ANKRD18A: variants seen among roughly 807,000 people sequenced by gnomAD.
ANKRD18A encodes ankyrin repeat domain 18A, also known as ankyrin repeat domain-containing protein 18A.
Under a neutral mutation model 110.6 loss-of-function variants are expected in ANKRD18A, and 72 were observed. The ratio of observed to expected loss-of-function variants is 0.65; its 90% CI spans 0.54 to 0.79. The LOEUF is 0.79. Among genes scored for constraint, ANKRD18A ranks in the 30% least tolerant of loss-of-function variants. The probability of loss-of-function intolerance (pLI) is 0.00; values close to 1 mark genes in which losing one functional copy is unlikely to be tolerated. For missense variants in ANKRD18A, 934 were observed against 1,163.3 expected (o/e 0.80, Z 2.87); for synonymous variants, 305 against 410.3 (o/e 0.74, Z 3.10).
intron 15 of ANKRD18A, among the ~76,000 whole-genome samples, chr9:38,573,440 G>A (rs1055420730): frequency 1.5e-4 from 23 of 152,242 alleles, no homozygotes; most frequent in African/African-American, 5.5e-4. Flanking sequence ...ACAATGGCCG[G>A]GCACAGCAGC....
At chr9:38,598,270 G>T (rs1022339327) in intron 8 of ANKRD18A, among the ~76,000 whole-genome samples, 3 of 152,134 alleles carry the variant, frequency 2.0e-5, no homozygotes, top group African/African-American at 4.8e-5. Flanking sequence ...AAGGTCACAT[G>T]GTATATGGCC....
Position 38,607,335 on chromosome 9 carries a change from G to C in ANKRD18A, c.808+91C>G, listed in dbSNP as rs966567022. On this transcript the variant is annotated intron_variant, in intron 6 of 15. Coordinates refer to ENST00000399703, the MANE Select transcript of ANKRD18A (RefSeq NM_147195.4). ...GCCTCCCAAAGTGCTGGGATTACAG[G>C]TGTGAGCCACCATGCCTGGCCTGTA... The C allele has an allele frequency of 6.5e-6, 7 of 1,077,522 alleles. No homozygotes were observed. In the African/African-American group the frequency reaches 1.2e-4, roughly 18 times the overall value. 66.7% of individuals were successfully genotyped at this position (1,077,522 alleles called of 1,614,324 possible).
chr9:38,596,803 C>T lies in ANKRD18A; in HGVS notation c.937-400G>A, dbSNP rs138838573. On this transcript the variant is annotated intron_variant, in intron 8 of 15. Coordinates refer to ENST00000399703, the MANE Select transcript of ANKRD18A (RefSeq NM_147195.4). ...ACACCACCCTATAGTAAGACCTTTA[C>T]CTCGACATCTATTTGGACAGATAAA... 7.3e-3 allele frequency among the ~76,000 whole-genome samples: 1,114 copies of T among 152,250 alleles called. 13 individuals carry two copies. The highest frequency in any genetic ancestry group is 0.024 in the African/African-American group (1,016 of 41,554).
downstream of ANKRD18A, chr9:38,569,421 G>A (rs1823558368): frequency 3.0e-6 from 3 of 985,260 alleles, no homozygotes; most frequent in Non-Finnish European, 2.4e-6. Context: ...TCAGTCAGCT[G>A]TGTTGAGATG....
At chr9:38,614,614 A>G (rs1045974625) in intron 3 of ANKRD18A, among the ~76,000 whole-genome samples, 5 of 152,148 alleles carry the variant, frequency 3.3e-5, no homozygotes, top group East Asian at 1.9e-4. Flanking sequence ...CTTCAGTTTC[A>G]TCTCTCACCC....
chr9:38,608,215 G>A (rs1273956406), intron 5 of ANKRD18A, among the ~76,000 whole-genome samples: 1 of 151,870 alleles, frequency 6.6e-6, no homozygotes, highest in Non-Finnish European at 1.5e-5. Flanking sequence ...ATCACACCAA[G>A]GGCAGAAAAC....
chr9:38,599,229 A>C (rs1437933699), intron 8 of ANKRD18A, among the ~76,000 whole-genome samples: 3 of 152,192 alleles, frequency 2.0e-5, no homozygotes, highest in African/African-American at 7.2e-5. Flanking sequence ...ATGCAACGAT[A>C]AGACCTGAGT....
chr9:38,588,288 T>C (rs1359536874), intron 11 of ANKRD18A, among the ~76,000 whole-genome samples: 1 of 152,176 alleles, frequency 6.6e-6, no homozygotes, highest in Non-Finnish European at 1.5e-5. Context: ...CATCCAGAGA[T>C]CTATTTTTCA....
Position 38,620,317 on chromosome 9 carries a change from T to A in ANKRD18A, c.-32A>T. On this transcript the variant is annotated 5_prime_UTR_variant, in exon 1 of 16. Coordinates refer to ENST00000399703, the MANE Select transcript of ANKRD18A (RefSeq NM_147195.4). ...GACTTCTCAGACGCCCACCACCCGC[T>A]CCTGAGCCGCGGCGGCTCCTCGTGG... The A allele has an allele frequency of 2.0e-6, 3 of 1,535,202 alleles. No individual in the cohort carries two copies. The highest frequency in any genetic ancestry group is 1.8e-4 in the Middle Eastern group (1 of 5,552).
chr9:38,598,430 C>G (rs761341271), intron 8 of ANKRD18A, among the ~76,000 whole-genome samples: 35 of 152,256 alleles, frequency 2.3e-4, no homozygotes, highest in Non-Finnish European at 3.2e-4. Context: ...ATTTAGATAA[C>G]CCCACTGTAA....
chr9:38,602,864 C>T (rs111766923), intron 7 of ANKRD18A, among the ~76,000 whole-genome samples: 30 of 152,328 alleles, frequency 2.0e-4, no homozygotes, highest in African/African-American at 6.3e-4. Flanking sequence ...GTCACGGGGT[C>T]TGGCGATGTT....
At chr9:38,618,415 A>G (rs1268541801) in intron 1 of ANKRD18A, among the ~76,000 whole-genome samples, 1 of 152,196 alleles carries the variant, frequency 6.6e-6, no homozygotes. Context: ...TCACATATCA[A>G]CATACTTCTC....
At position 38,595,757 on chromosome 9, in the gene ANKRD18A, C is replaced by G; in HGVS notation, c.1583G>C (p.Gly528Ala). 1 of 1,551,382 alleles carries G rather than the reference C, an allele frequency of 6.4e-7. No individual in the cohort carries two copies. The highest frequency in any genetic ancestry group is 8.7e-7 in the Non-Finnish European group (1 of 1,146,704). The change falls in exon 9 of 16, where the codon GGA (glycine) becomes GCA (alanine). Residue 528 changes from glycine to alanine, a missense_variant. By Grantham distance (60) the Gly-to-Ala change is moderately conservative. Coordinates refer to ENST00000399703, the MANE Select transcript of ANKRD18A (RefSeq NM_147195.4). ...IKEMKQMHPN[G>A]EAKESQSIGK... ...AATGGATTGACTTTCTTTAGCTTCT[C>G]CATTTGGATGCATCTGCTTCATTTC...
chr9:38,599,467 A>ATTT (rs200337501), intron 8 of ANKRD18A, among the ~76,000 whole-genome samples: 2 of 145,688 alleles, frequency 1.4e-5, no homozygotes, highest in African/African-American at 5.0e-5. Context: ...TTTGTAATGA[A>ATTT]TTTTTTTTTT....
chr9:38,579,631 A>T (rs1275725296), intron 12 of ANKRD18A, among the ~76,000 whole-genome samples: 2 of 152,244 alleles, frequency 1.3e-5, no homozygotes, highest in African/African-American at 4.8e-5. Flanking sequence ...AATGTGATAT[A>T]ATCTTGCTCC....
At chr9:38,601,830 A>C (rs139200927) in intron 7 of ANKRD18A, among the ~76,000 whole-genome samples, 1 of 152,038 alleles carries the variant, frequency 6.6e-6, no homozygotes, top group East Asian at 1.9e-4. Flanking sequence ...GACTCTATAG[A>C]AAATTTGCCA....
intron 7 of ANKRD18A, among the ~76,000 whole-genome samples, chr9:38,601,991 GA>G (rs66982362): frequency 0.24 from 18,761 of 79,544 alleles, 1,208 homozygotes; most frequent in Middle Eastern, 0.38. Flanking sequence ...TCCAAAAACA[GA>G]AAAAAAAAAA....
downstream of ANKRD18A, among the ~76,000 whole-genome samples, chr9:38,570,098 C>T (rs1317555227): frequency 5.3e-5 from 8 of 152,102 alleles, no homozygotes; most frequent in Non-Finnish European, 8.8e-5. Flanking sequence ...GTGGCCCCAA[C>T]GAGGCCCCTA....
chr9:38,577,143 T>A lies in ANKRD18A; in HGVS notation c.2651A>T (p.Tyr884Phe), dbSNP rs1409954142. The change falls in exon 14 of 16, where the codon TAT (tyrosine) becomes TTT (phenylalanine). Residue 884 changes from tyrosine to phenylalanine, a missense_variant. Physicochemically the swap from Tyr to Phe is conservative, Grantham distance 22. Coordinates refer to ENST00000399703, the MANE Select transcript of ANKRD18A (RefSeq NM_147195.4). Reference sequence around the variant, plus strand: ...TTCTAATTCAGTTGTAACCTCTTCATAAGCAGTTTTCATTTTGGAGAATTT... The same window carrying A: ...TTCTAATTCAGTTGTAACCTCTTCAAAAGCAGTTTTCATTTTGGAGAATTT... ...ECKFSKMKTA[Y>F]EEVTTELEEF... The A allele has an allele frequency of 2.6e-6, 4 of 1,549,594 alleles. No homozygotes were observed. The highest frequency in any genetic ancestry group is 3.5e-6 in the Non-Finnish European group (4 of 1,146,406).
Sources: gnomAD v4.1 joint callset for allele counts (sites outside exome capture counted in the v4.1 genomes callset) on GRCh38, gnomAD v4.1.1 for gene constraint, MANE v1.5 for transcripts, NCBI Gene and HGNC (gene_info 2026-07-23, HGNC 2026-07-21) for gene names.